Variants in SNRNP27 observed in about 807,000 individuals in gnomAD.
The protein encoded by SNRNP27 is small nuclear ribonucleoprotein U4/U6.U5 subunit 27, also known as U4/U6.U5 small nuclear ribonucleoprotein 27 kDa protein.
A neutral mutation model predicts 25.1 loss-of-function variants in SNRNP27; 22 were observed. The ratio of observed to expected loss-of-function variants is 0.88; its 90% CI spans 0.63 to 1.25. The LOEUF (loss-of-function observed/expected upper bound fraction) is 1.25, where lower values mean the gene tolerates loss of function less well. SNRNP27 is among the 50% of genes most tolerant of loss of function. SNRNP27 has a pLI of 0.00. For missense variants in SNRNP27, 150 were observed against 202.3 expected (o/e 0.74, Z 1.57); for synonymous variants, 66 against 64.9 (o/e 1.02, Z -0.08).
intron 4 of SNRNP27, among the ~76,000 whole-genome samples, chr2:69,901,433 A>T (rs1327301358): frequency 1.3e-5 from 2 of 152,314 alleles, no homozygotes; most frequent in Middle Eastern, 3.4e-3. Flanking sequence ...GAAAAAGAGG[A>T]TGGGTGCTAC....
At chr2:69,899,469 G>A (rs1185239594) in intron 4 of SNRNP27, among the ~76,000 whole-genome samples, 1 of 151,692 alleles carries the variant, frequency 6.6e-6, no homozygotes, top group Non-Finnish European at 1.5e-5. Flanking sequence ...TCGCTCTGTT[G>A]TCCAGGCTGG....
In SNRNP27 at chr2:69,905,026, G is replaced by C. The variant is rs1436839547; in HGVS notation, c.*718G>C. On this transcript the variant is annotated 3_prime_UTR_variant, in exon 6 of 6. Transcript: ENST00000244227. ...GATCCCACCTATGAGATCAGAATAT[G>C]TATGCAGTTCTTTCTTTAACCCTTT... The C allele has an allele frequency of 6.6e-6, 1 of 152,058 alleles. No individual in the cohort carries two copies. The highest frequency in any genetic ancestry group is 1.5e-5 in the Non-Finnish European group (1 of 68,016). The allele number at this position is 152,058 out of a possible 1,614,324, so 9.4% of individuals were successfully genotyped here.
chr2:69,904,480 G>C lies in SNRNP27; in HGVS notation c.*172G>C. 1 of 661,922 alleles carries C rather than the reference G, an allele frequency of 1.5e-6. No individual in the cohort carries two copies. Among genetic ancestry groups the C allele is most frequent in the Non-Finnish European group, 2.7e-6 (1 of 372,070 alleles). The allele number at this position is 661,922 out of a possible 1,614,324, so 41.0% of individuals were successfully genotyped here. Reference sequence around the variant, plus strand: ...GTTAACTTACCTTGCCTCAACAGAAGAAAGGTTAAATATTACATTTTTTTC... The same window carrying C: ...GTTAACTTACCTTGCCTCAACAGAACAAAGGTTAAATATTACATTTTTTTC... On this transcript the variant is annotated 3_prime_UTR_variant, in exon 6 of 6. Coordinates refer to ENST00000244227, the MANE Select transcript of SNRNP27 (RefSeq NM_006857.3).
rs1390377018 is a variant in SNRNP27 at position 69,904,989 on chromosome 2, C to G, written c.*681C>G. The G allele has an allele frequency of 6.6e-6, 1 of 152,346 alleles. No homozygotes were observed. The highest frequency in any genetic ancestry group is 1.5e-5 in the Non-Finnish European group (1 of 68,222). The allele number at this position is 152,346 out of a possible 1,614,324, so 9.4% of individuals were successfully genotyped here. ...ACATTTTGGTATATGTTTTTCCAGG[C>G]TTCTTTGGGTTGATCCCACCTATGA... On this transcript the variant is annotated 3_prime_UTR_variant, in exon 6 of 6. Coordinates refer to ENST00000244227, the MANE Select transcript of SNRNP27 (RefSeq NM_006857.3).
intron 4 of SNRNP27, among the ~76,000 whole-genome samples, chr2:69,901,585 A>G (rs7598283): frequency 0.53 from 80,713 of 152,074 alleles, 23,288 homozygotes; most frequent in African/African-American, 0.77. Context: ...GAAGACCAAC[A>G]CAGCAGAATT....
rs186958478 is a variant in SNRNP27, at chr2:69,896,276, T to A, written c.156-160T>A. 5.7e-3 allele frequency among the ~76,000 whole-genome samples: 869 copies of A among 152,306 alleles called. 8 individuals carry two copies. Among genetic ancestry groups the A allele is most frequent in the African/African-American group, 0.018 (758 of 41,558 alleles). On this transcript the variant is annotated intron_variant, in intron 2 of 5. Transcript: ENST00000244227. ...TTAAGCAGTAAACTACATTAAAAAA[T>A]TTTTTTGTTAACAATCAAGGCCTTG...
rs1644050654 is a variant in SNRNP27 at position 69,904,284 on chromosome 2, C to T, written c.444C>T (p.Asn148=). Residue 148 remains asparagine, a synonymous_variant, in exon 6 of 6, where the codon AAC becomes AAT. Coordinates refer to ENST00000244227, the MANE Select transcript of SNRNP27 (RefSeq NM_006857.3). ...RQYMNRKGGF[N]RPLDFIA is the part of the protein sequence containing the mutation. ...ACATGAATCGAAAAGGTGGATTCAA[C>T]AGACCTTTGGATTTCATTGCATGAG... 4 of 1,609,870 alleles carry T rather than the reference C, an allele frequency of 2.5e-6. No homozygotes were observed. The highest frequency in any genetic ancestry group is 1.3e-5 in the African/African-American group (1 of 74,604).
intron 4 of SNRNP27, among the ~76,000 whole-genome samples, chr2:69,899,791 A>G (rs1676663972): frequency 6.6e-6 from 1 of 152,270 alleles, no homozygotes; most frequent in South Asian, 2.1e-4. Context: ...GTACAGTGGT[A>G]TGATCATGGC....
chr2:69,894,161 G>A, intron 1 of SNRNP27, 143 bp downstream of exon 1: 2 of 708,246 alleles, frequency 2.8e-6, no homozygotes, highest in South Asian at 1.8e-5. Flanking sequence ...ATAAAGGAAC[G>A]TAGACCTGGG....
intron 3 of SNRNP27, among the ~76,000 whole-genome samples, chr2:69,897,022 T>C (rs1676615615): frequency 6.6e-6 from 1 of 152,176 alleles, no homozygotes; most frequent in African/African-American, 2.4e-5. Context: ...TTATCTATGG[T>C]GCTCCTGATA....
intron 1 of SNRNP27, among the ~76,000 whole-genome samples, chr2:69,894,491 A>T (rs1431491160): frequency 6.6e-6 from 1 of 152,168 alleles, no homozygotes; most frequent in Non-Finnish European, 1.5e-5. Context: ...AATAAATGTT[A>T]GATTCCTGCC....
chr2:69,896,469 C>T lies in SNRNP27; in HGVS notation c.189C>T (p.Ser63=). 1 of 1,611,694 alleles carries T rather than the reference C, an allele frequency of 6.2e-7. No homozygotes were observed. The highest frequency in any genetic ancestry group is 1.1e-5 in the South Asian group (1 of 91,036). Residue 63 remains serine (S), a synonymous_variant, in exon 3 of 6, where the codon TCC becomes TCT. Transcript: ENST00000244227. The part of the protein sequence containing the change: ...SPRRHRSTSP[S]PSRLKERRDE... ...GACGACATAGATCCACATCTCCTTC[C>T]CCTTCTCGACTGAAAGAAAGAAGAG...
rs1051343269 is a variant in SNRNP27 at position 69,905,138 on chromosome 2, A to G, written c.*830A>G. On this transcript the variant is annotated 3_prime_UTR_variant, in exon 6 of 6. Coordinates refer to ENST00000244227, the MANE Select transcript of SNRNP27 (RefSeq NM_006857.3). ...TTTAGTAACTACTTGGTTGTATCATAATTTATTAACTAATGTTTTATTGGT... is the reference window on the plus strand; with the variant it reads ...TTTAGTAACTACTTGGTTGTATCATGATTTATTAACTAATGTTTTATTGGT... The G allele has an allele frequency of 2.6e-5, 4 of 152,178 alleles. No homozygotes were observed. The highest frequency in any genetic ancestry group is 2.9e-5 in the Non-Finnish European group (2 of 68,010). 9.4% of individuals were successfully genotyped at this position (152,178 alleles called of 1,614,324 possible).
chr2:69,900,273 A>G (rs1676672323), intron 4 of SNRNP27, among the ~76,000 whole-genome samples: 1 of 152,302 alleles, frequency 6.6e-6, no homozygotes, highest in Non-Finnish European at 1.5e-5. Flanking sequence ...CTATGCCAGC[A>G]TGTAAATAAA....
intron 4 of SNRNP27, among the ~76,000 whole-genome samples, chr2:69,899,284 G>A (rs1050110422): frequency 1.3e-5 from 2 of 152,082 alleles, no homozygotes; most frequent in South Asian, 2.1e-4. Flanking sequence ...CAGTTATAAC[G>A]TCAGCTCATT....
rs1676572939 is a variant in SNRNP27 at position 69,894,957 on chromosome 2, C to A, written c.35-137C>A. 7.3e-6 allele frequency: 9 copies of A among 1,240,694 alleles called. No homozygotes were observed. The South Asian group carries it at 1.4e-4, about 20-fold the overall frequency. 76.9% of individuals were successfully genotyped at this position (1,240,694 alleles called of 1,614,324 possible). ...CCTCACAAAGTGCTGGGATTACAGG[C>A]GTGAGCCACCGCTCCCAGCCTCTTT... On this transcript the variant is annotated intron_variant, in intron 1 of 5. Coordinates refer to ENST00000244227, the MANE Select transcript of SNRNP27 (RefSeq NM_006857.3).
chr2:69,898,393 T>C (rs1165119375), intron 4 of SNRNP27, among the ~76,000 whole-genome samples: 2 of 144,286 alleles, frequency 1.4e-5, no homozygotes, highest in Non-Finnish European at 3.0e-5. Context: ...GAGCGAGAGA[T>C]GGGGGAAGAG....
At chr2:69,896,676 GTT>G (rs35135448) in intron 3 of SNRNP27, 128 bp downstream of exon 3, 382 of 673,178 alleles carry the variant, frequency 5.7e-4, no homozygotes, top group South Asian at 7.8e-4. Context: ...GTTTTTTTTG[GTT>G]TTTTTTTTTT....
intron 4 of SNRNP27, among the ~76,000 whole-genome samples, 157 bp from the exon 5 acceptor site, chr2:69,903,024 T>G (rs942418597): frequency 6.9e-6 from 1 of 145,400 alleles, no homozygotes; most frequent in Non-Finnish European, 1.5e-5. Flanking sequence ...CTACTTGCAG[T>G]CCCAAACTCC....
Sources: allele counts gnomAD v4.1 joint callset (sites outside exome capture counted in the v4.1 genomes callset), GRCh38; gene constraint gnomAD v4.1.1; transcripts MANE v1.5; gene names NCBI Gene and HGNC (gene_info 2026-07-23, HGNC 2026-07-21).